The following PCSK5 variants were observed in gnomAD, a reference collection of about 807,000 sequenced individuals.
The protein encoded by PCSK5 is prohormone convertase 5.
A neutral mutation model predicts 233.2 loss-of-function variants in PCSK5; 129 were observed. That is an observed-to-expected ratio of 0.55 (90% CI 0.48 to 0.64). PCSK5 has a LOEUF of 0.64. PCSK5 is among the 30% of genes least tolerant of loss of function. PCSK5 has a pLI of 0.00. For synonymous variants in PCSK5, 825 were observed against 879.2 expected, an observed-to-expected ratio of 0.94 and a Z score of 1.09; for missense variants, 2,076 against 2,430.1, an observed-to-expected ratio of 0.85 and a Z score of 3.06.
At chr9:75,994,416 T>TAA (rs1188707588) in intron 3 of PCSK5, among the ~76,000 whole-genome samples, 2 of 7,466 alleles carry the variant, frequency 2.7e-4, no homozygotes, top group Non-Finnish European at 8.5e-4. Flanking sequence ...TTTTTTTTTT[T>TAA]TTTTTTTTTT....
At chr9:75,913,953 G>C (rs1822868753) in intron 1 of PCSK5, among the ~76,000 whole-genome samples, 1 of 152,136 alleles carries the variant, frequency 6.6e-6, no homozygotes, top group African/African-American at 2.4e-5. Flanking sequence ...TATTCCTGAA[G>C]ATAATGCTTT....
intron 9 of PCSK5, among the ~76,000 whole-genome samples, chr9:76,130,849 T>C (rs1031109204): frequency 3.7e-4 from 56 of 152,170 alleles, no homozygotes; most frequent in African/African-American, 1.4e-3. Flanking sequence ...ATGTGATTTA[T>C]TATAGGGCGG....
At chr9:76,236,297 A>G (rs1019828090) in intron 22 of PCSK5, among the ~76,000 whole-genome samples, 1 of 152,140 alleles carries the variant, frequency 6.6e-6, no homozygotes. Context: ...TGGACATCCA[A>G]TATCATCATG....
chr9:76,111,696 C>T (rs1259786846), intron 9 of PCSK5, among the ~76,000 whole-genome samples: 1 of 152,028 alleles, frequency 6.6e-6, no homozygotes, highest in African/African-American at 2.4e-5. Flanking sequence ...TGTCTTTTTA[C>T]ATAGCCTAAC....
chr9:75,891,949 G>T (rs1825626389), intron 1 of PCSK5, among the ~76,000 whole-genome samples: 1 of 152,106 alleles, frequency 6.6e-6, no homozygotes, highest in African/African-American at 2.4e-5. Context: ...GGGAAGAGGG[G>T]GCCGGCCCCG....
chr9:76,301,260 C>T (rs1379909137), intron 27 of PCSK5, among the ~76,000 whole-genome samples: 7 of 134,492 alleles, frequency 5.2e-5, no homozygotes, highest in Admixed American at 1.6e-4. Context: ...CAACAGAGCG[C>T]GACTCTCTCA....
At chr9:75,996,795 A>G (rs995788425) in intron 3 of PCSK5, among the ~76,000 whole-genome samples, 1 of 148,996 alleles carries the variant, frequency 6.7e-6, no homozygotes, top group Non-Finnish European at 1.5e-5. Context: ...CTCTGCCATG[A>G]TGGTGGTTCT....
chr9:75,978,869 C>CT (rs5898441), intron 2 of PCSK5, among the ~76,000 whole-genome samples: 5,406 of 127,866 alleles, frequency 0.042, 303 homozygotes, highest in African/African-American at 0.098. Context: ...GAATGTTTCC[C>CT]TTTTTTTTTT....
At chr9:76,035,928 A>G (rs1202728841) in intron 5 of PCSK5, among the ~76,000 whole-genome samples, 1 of 152,152 alleles carries the variant, frequency 6.6e-6, no homozygotes, top group Non-Finnish European at 1.5e-5. Flanking sequence ...CTCATCAGCC[A>G]GTGAACACTC....
chr9:76,203,154 A>G (rs1220474724), intron 20 of PCSK5, among the ~76,000 whole-genome samples: 4 of 152,076 alleles, frequency 2.6e-5, no homozygotes, highest in Admixed American at 2.6e-4. Context: ...TTCCATGTAA[A>G]GAGAAAATAG....
At chr9:76,066,608 A>G (rs1017382703) in intron 5 of PCSK5, among the ~76,000 whole-genome samples, 1 of 152,204 alleles carries the variant, frequency 6.6e-6, no homozygotes, top group Non-Finnish European at 1.5e-5. Context: ...CACTACACAA[A>G]CATTTATATA....
intron 1 of PCSK5, among the ~76,000 whole-genome samples, chr9:75,903,614 T>G (rs1347669687): frequency 7.0e-6 from 1 of 143,420 alleles, no homozygotes; most frequent in African/African-American, 2.6e-5. Context: ...ATATATATTA[T>G]ATATATATAT....
chr9:75,924,682 A>G (rs1404976494), intron 1 of PCSK5, among the ~76,000 whole-genome samples: 1 of 152,166 alleles, frequency 6.6e-6, no homozygotes, highest in African/African-American at 2.4e-5. Flanking sequence ...GCATCTGCTC[A>G]AAGTAGATGG....
intron 10 of PCSK5, among the ~76,000 whole-genome samples, chr9:76,139,671 A>C (rs79527218): frequency 6.6e-6 from 1 of 152,046 alleles, no homozygotes; most frequent in Non-Finnish European, 1.5e-5. Flanking sequence ...GTTTTCTACC[A>C]TTGTGCTCTG....
chr9:76,009,674 T>C (rs1356496605), intron 3 of PCSK5, among the ~76,000 whole-genome samples: 1 of 151,412 alleles, frequency 6.6e-6, no homozygotes, highest in African/African-American at 2.4e-5. Flanking sequence ...CCTTAAACTG[T>C]CACAAGGTGG....
At chr9:76,209,582 C>T (rs1825254425) in intron 20 of PCSK5, 1 of 512,606 alleles carries the variant, frequency 2.0e-6, no homozygotes, top group African/African-American at 1.9e-5. Flanking sequence ...TATCGTGTCA[C>T]TGCTTTTCGC....
At chr9:76,110,753 A>G (rs1445603669) in intron 9 of PCSK5, among the ~76,000 whole-genome samples, 1 of 152,224 alleles carries the variant, frequency 6.6e-6, no homozygotes, top group Admixed American at 6.5e-5. Flanking sequence ...CAAAACATAG[A>G]AACAGATAAA....
At chr9:75,908,941 G>GTCTGTCTATCTATCTATCTATCTA (rs1412497396) in intron 1 of PCSK5, among the ~76,000 whole-genome samples, 1 of 116,548 alleles carries the variant, frequency 8.6e-6, no homozygotes, top group African/African-American at 3.1e-5. Flanking sequence ...CTCTCTCTCT[G>GTCTGTCTATCTATCTATCTATCTA]TCTATCTATC....
At chr9:75,962,773 C>T (rs1825410543) in intron 2 of PCSK5, among the ~76,000 whole-genome samples, 1 of 152,214 alleles carries the variant, frequency 6.6e-6, no homozygotes, top group African/African-American at 2.4e-5. Flanking sequence ...GAAGACATCA[C>T]ACCCAAGTGG....
Sources: allele counts gnomAD v4.1 joint callset (sites outside exome capture counted in the v4.1 genomes callset), GRCh38; gene constraint gnomAD v4.1.1; transcripts MANE v1.5; gene names NCBI Gene and HGNC (gene_info 2026-07-23, HGNC 2026-07-21).